The following PUM2 variants were observed in gnomAD, a reference collection of about 807,000 sequenced individuals.
The protein encoded by PUM2 is pumilio homolog 2.
A neutral mutation model predicts 124.5 loss-of-function variants in PUM2; 57 were observed. That is an observed-to-expected ratio of 0.46 (90% CI 0.37 to 0.57). The LOEUF (loss-of-function observed/expected upper bound fraction) is 0.57, where lower values mean the gene tolerates loss of function less well. PUM2 is among the 20% of genes least tolerant of loss of function. The pLI, the probability that PUM2 is intolerant of heterozygous loss-of-function variation, is 0.00. For synonymous variants in PUM2, 460 were observed against 446.1 expected (o/e 1.03, Z -0.39); for missense variants, 1,065 against 1,290.6 (o/e 0.83, Z 2.68).
At chr2:20,333,893 ATAGTTTT>A (rs1210180422) in intron 1 of PUM2, among the ~76,000 whole-genome samples, 1 of 152,020 alleles carries the variant, frequency 6.6e-6, no homozygotes, top group Non-Finnish European at 1.5e-5. Flanking sequence ...TACTCTTGTG[ATAGTTTT>A]TCTAAGATCT....
intron 13 of PUM2, among the ~76,000 whole-genome samples, chr2:20,269,189 TTAATAA>T (rs534926011): frequency 4.6e-5 from 7 of 151,824 alleles, no homozygotes; most frequent in South Asian, 2.1e-4. Flanking sequence ...GAATAAAATT[TTAATAA>T]TAATAATAAT....
intron 13 of PUM2, among the ~76,000 whole-genome samples, chr2:20,276,888 T>A (rs892016413): frequency 6.6e-6 from 1 of 152,110 alleles, no homozygotes; most frequent in Non-Finnish European, 1.5e-5. Context: ...TAGTCTATAA[T>A]GCAGAATGCT....
chr2:20,266,987 C>T (rs971444427), intron 13 of PUM2, among the ~76,000 whole-genome samples: 4 of 151,446 alleles, frequency 2.6e-5, no homozygotes, highest in Non-Finnish European at 5.9e-5. Flanking sequence ...AAGAAACATA[C>T]ACTAATGTAC....
chr2:20,260,487 A>T, intron 14 of PUM2, 21 bp from the exon 15 acceptor site: 1 of 1,582,156 alleles, frequency 6.3e-7, no homozygotes, highest in Non-Finnish European at 8.7e-7. Flanking sequence ...AACATTTTTA[A>T]TATGACAATA....
intron 1 of PUM2, among the ~76,000 whole-genome samples, chr2:20,330,288 T>C (rs1286874332): frequency 3.3e-5 from 5 of 152,192 alleles, no homozygotes; most frequent in Non-Finnish European, 5.9e-5. Flanking sequence ...TTGGCCTTTG[T>C]CCATGTCCTG....
intron 13 of PUM2, among the ~76,000 whole-genome samples, chr2:20,276,351 T>C (rs971516533): frequency 8.6e-5 from 13 of 151,910 alleles, no homozygotes; most frequent in Non-Finnish European, 1.8e-4. Context: ...GGAACATACT[T>C]TGGGGATGCA....
chr2:20,337,486 A>G (rs1686366109), intron 1 of PUM2, among the ~76,000 whole-genome samples: 1 of 152,194 alleles, frequency 6.6e-6, no homozygotes, highest in Non-Finnish European at 1.5e-5. Context: ...TATTCTCTCT[A>G]CATGTTTGAA....
Position 20,254,923 on chromosome 2 carries a change from C to T in PUM2, c.2810G>A (p.Ser937Asn), listed in dbSNP as rs762054199. 2 of 1,613,848 alleles carry T rather than the reference C, an allele frequency of 1.2e-6. No homozygotes were observed. The highest frequency in any genetic ancestry group is 1.7e-6 in the Non-Finnish European group (2 of 1,179,894). The change falls in exon 19 of 21, where the codon AGC (serine) becomes AAC (asparagine). Residue 937 changes from serine to asparagine, a missense_variant. This residue lies in a region of PUM2 where 968 missense variants were observed against 1,159.8 expected (regional missense o/e 0.83). Transcript: ENST00000361078. ...TCCCCTGATTTCGGAAACAATTTTG[C>T]TCTTGTCTTCAGGTCGACCGTGTTC... ...VLEHGRPEDK[S>N]KIVSEIRGKV...
chr2:20,251,471 G>T lies in PUM2; in HGVS notation c.*114C>A. The T allele has an allele frequency of 1.6e-6, 2 of 1,269,608 alleles. No homozygotes were observed. The highest frequency in any genetic ancestry group is 2.1e-6 in the Non-Finnish European group (2 of 931,910). The allele number at this position is 1,269,608 out of a possible 1,614,324, so 78.6% of individuals were successfully genotyped here. ...AATGGATGAATAAAGTCAATAAATA[G>T]TTTTGCTTTAAAAAAAAATTGAAGA... On this transcript the variant is annotated 3_prime_UTR_variant, in exon 21 of 21. Coordinates refer to ENST00000361078, the MANE Select transcript of PUM2 (RefSeq NM_015317.5).
Position 20,250,057 on chromosome 2 carries a change from T to G in PUM2, c.*1528A>C, listed in dbSNP as rs1662931631. The G allele has an allele frequency of 6.6e-6, 1 of 152,600 alleles. No individual in the cohort carries two copies. Among genetic ancestry groups the G allele is most frequent in the South Asian group, 2.1e-4 (1 of 4,828 alleles). The allele number at this position is 152,600 out of a possible 1,614,324, so 9.5% of individuals were successfully genotyped here. The stretch of plus-strand genomic sequence containing the variant: ...GCTATTCAAAAATACAGTACTCTTC[T>G]GTACAAAGAAAAAAGTCACATCACA... On this transcript the variant is annotated 3_prime_UTR_variant, in exon 21 of 21. Transcript: ENST00000361078.
chr2:20,259,261 G>A (rs1572552669), intron 15 of PUM2, among the ~76,000 whole-genome samples: 1 of 152,130 alleles, frequency 6.6e-6, no homozygotes, highest in African/African-American at 2.4e-5. Flanking sequence ...CATTTAAAGT[G>A]GTTCATGTTA....
chr2:20,253,495 C>T (rs1663978721), intron 20 of PUM2, among the ~76,000 whole-genome samples: 1 of 151,612 alleles, frequency 6.6e-6, no homozygotes, highest in Non-Finnish European at 1.5e-5. Flanking sequence ...CACCATGATG[C>T]TTGTCTAATT....
At chr2:20,276,677 A>G (rs1246656940) in intron 13 of PUM2, among the ~76,000 whole-genome samples, 1 of 152,028 alleles carries the variant, frequency 6.6e-6, no homozygotes, top group Admixed American at 6.6e-5. Flanking sequence ...ATTTCCATGA[A>G]TAGTATGCAA....
At chr2:20,282,826 AG>A (rs749995474) in intron 12 of PUM2, 120 bp downstream of exon 12, 14 of 1,101,368 alleles carry the variant, frequency 1.3e-5, no homozygotes, top group Non-Finnish European at 1.5e-5. Flanking sequence ...TTAAACCAGT[AG>A]TCCAATACTT....
rs1177019747 is a variant in PUM2 at position 20,272,183 on chromosome 2, G to GAATA, written c.1957+6399_1957+6400insTATT. Among the ~76,000 whole-genome samples the GAATA allele has an allele frequency of 6.8e-3, 999 of 146,592 alleles. 15 individuals are homozygous for GAATA. The highest frequency in any genetic ancestry group is 0.024 in the African/African-American group (963 of 40,014). On this transcript the variant is annotated intron_variant, in intron 13 of 20. Transcript: ENST00000361078. ...TGAATGAATGAATGAATGAATGAATGAATGAATAAATAAATAAATAAATAG... is the reference window on the plus strand; with the variant it reads ...TGAATGAATGAATGAATGAATGAATGAATAAATGAATAAATAAATAAATAAATAG...
intron 3 of PUM2, among the ~76,000 whole-genome samples, chr2:20,314,654 G>A (rs1012755632): frequency 7.9e-5 from 12 of 152,150 alleles, no homozygotes; most frequent in African/African-American, 2.4e-4. Flanking sequence ...ATTTTGAAAT[G>A]ATGGCCAGGT....
At chr2:20,266,576 G>C (rs1334562461) in intron 13 of PUM2, among the ~76,000 whole-genome samples, 1 of 151,522 alleles carries the variant, frequency 6.6e-6, no homozygotes, top group African/African-American at 2.4e-5. Flanking sequence ...ATTTCACCCA[G>C]GGAAGCATAC....
chr2:20,249,663 C>T lies in PUM2; in HGVS notation c.*1922G>A, dbSNP rs1662829224. On this transcript the variant is annotated 3_prime_UTR_variant, in exon 21 of 21. Transcript: ENST00000361078. ...TGCTCAGAAGATTGCGTTTCTTCTG[C>T]AGATCTCTAGTAAAAAAAGATCTCT... 1 of 152,584 alleles carries T rather than the reference C, an allele frequency of 6.6e-6. No individual in the cohort carries two copies. Among genetic ancestry groups the T allele is most frequent in the South Asian group, 2.1e-4 (1 of 4,832 alleles). The allele number at this position is 152,584 out of a possible 1,614,324, so 9.5% of individuals were successfully genotyped here.
Position 20,254,911 on chromosome 2 carries a change from G to A in PUM2, c.2822C>T (p.Ser941Phe). ...GGCTAAAACCTTTCCCCTGATTTCGGAAACAATTTTGCTCTTGTCTTCAGG... is the reference window on the plus strand; with the variant it reads ...GGCTAAAACCTTTCCCCTGATTTCGAAAACAATTTTGCTCTTGTCTTCAGG... ...GRPEDKSKIV[S>F]EIRGKVLALS... Residue 941 changes from serine to phenylalanine, a missense_variant, in exon 19 of 21, where the codon TCC becomes TTC. Physicochemically the swap from Ser to Phe is radical, Grantham distance 155. This residue lies in a region of PUM2 where 968 missense variants were observed against 1,159.8 expected (regional missense o/e 0.83). Coordinates refer to ENST00000361078, the MANE Select transcript of PUM2 (RefSeq NM_015317.5). 6.2e-7 allele frequency: 1 copy of A among 1,613,964 alleles called. No individual in the cohort carries two copies. Among genetic ancestry groups the A allele is most frequent in the Non-Finnish European group, 8.5e-7 (1 of 1,179,928 alleles).
Sources: gnomAD v4.1 joint callset for allele counts (sites outside exome capture counted in the v4.1 genomes callset) on GRCh38, gnomAD v4.1.1 for gene constraint, gnomAD v4.1.1 regional missense constraint, MANE v1.5 for transcripts, NCBI Gene and HGNC (gene_info 2026-07-23, HGNC 2026-07-21) for gene names.